LARP1B: variants seen among roughly 807,000 people sequenced by gnomAD.
LARP1B encodes La ribonucleoprotein 1B.
A neutral mutation model predicts 114.2 loss-of-function variants in LARP1B; 76 were observed. The ratio of observed to expected loss-of-function variants is 0.67; its 90% CI spans 0.55 to 0.81. The LOEUF is 0.81. Among genes scored for constraint, LARP1B ranks in the 30% least tolerant of loss-of-function variants. The pLI is 0.00. For missense variants in LARP1B, 1,014 were observed against 1,075.8 expected, an observed-to-expected ratio of 0.94 and a Z score of 0.80; for synonymous variants, 345 against 348.0, an observed-to-expected ratio of 0.99 and a Z score of 0.10.
chr4:128,207,606 A>C (rs527907934), intron 19 of LARP1B, among the ~76,000 whole-genome samples: 1 of 152,262 alleles, frequency 6.6e-6, no homozygotes, highest in Non-Finnish European at 1.5e-5. Flanking sequence ...TGCAATTGTT[A>C]ATTCAATTTA....
intron 9 of LARP1B, among the ~76,000 whole-genome samples, chr4:128,109,904 A>AT (rs529612263): frequency 7.9e-4 from 119 of 151,170 alleles, no homozygotes; most frequent in Non-Finnish European, 1.4e-3. Context: ...TTCAGTTGAT[A>AT]TTTTTTTTGT....
In LARP1B at chr4:128,103,403, T is replaced by A. The variant is rs143221880; in HGVS notation, c.814-3736T>A. Reference sequence around the variant, plus strand: ...GGAAAAAAAAGGTATATGGTAAAAATTTTTTTTTCCCCATTTTTCCACCAA... The same window carrying A: ...GGAAAAAAAAGGTATATGGTAAAAAATTTTTTTTCCCCATTTTTCCACCAA... On this transcript the variant is annotated intron_variant, in intron 8 of 19. Coordinates refer to ENST00000326639, the MANE Select transcript of LARP1B (RefSeq NM_018078.4). Among the ~76,000 whole-genome samples, 1,458 of 151,672 alleles carry A rather than the reference T, an allele frequency of 9.6e-3. 24 individuals are homozygous for A. Among genetic ancestry groups the A allele is most frequent in the African/African-American group, 0.033 (1,370 of 41,288 alleles).
chr4:128,103,004 G>A (rs1780815785), intron 8 of LARP1B, among the ~76,000 whole-genome samples: 1 of 152,104 alleles, frequency 6.6e-6, no homozygotes, highest in South Asian at 2.1e-4. Flanking sequence ...CAGTAAGAAT[G>A]CAACATCTAT....
At chr4:128,114,456 T>C in intron 9 of LARP1B, 114 bp from the exon 10 acceptor site, 1 of 754,514 alleles carries the variant, frequency 1.3e-6, no homozygotes, top group South Asian at 1.9e-5. Context: ...CAGTTGAGAC[T>C]GATCATGTTT....
rs2204117 is a variant in LARP1B at position 128,211,255 on chromosome 4, T to C, written c.*1202T>C. On this transcript the variant is annotated 3_prime_UTR_variant, in exon 20 of 20. Transcript: ENST00000326639. ...TGAAGTTTCAATTATAAACTTACAT[T>C]CACTTTATTGAGCACTACATAATTT... 0.72 allele frequency: 686,042 copies of C among 947,802 alleles called. 249,574 individuals are homozygous for C. The highest frequency in any genetic ancestry group is 0.84 in the Middle Eastern group (1,529 of 1,810). The allele number at this position is 947,802 out of a possible 1,614,324, so 58.7% of individuals were successfully genotyped here.
downstream of LARP1B, among the ~76,000 whole-genome samples, chr4:128,216,549 G>C (rs1345894796): frequency 6.7e-6 from 1 of 149,394 alleles, no homozygotes; most frequent in Non-Finnish European, 1.5e-5. Context: ...TGACTACTGG[G>C]TACATAACGA....
chr4:128,190,794 T>C (rs983958214), intron 15 of LARP1B, among the ~76,000 whole-genome samples: 1 of 152,182 alleles, frequency 6.6e-6, no homozygotes, highest in African/African-American at 2.4e-5. Context: ...AGAGTGAAAA[T>C]GGACTAATAA....
At chr4:128,198,935 G>A (rs548788854) in intron 15 of LARP1B, among the ~76,000 whole-genome samples, 2 of 152,284 alleles carry the variant, frequency 1.3e-5, no homozygotes, top group South Asian at 4.2e-4. Flanking sequence ...ATCAAAAGTG[G>A]AATTGATTTA....
chr4:128,073,933 T>TA (rs1766744200), intron 1 of LARP1B, among the ~76,000 whole-genome samples: 1 of 151,164 alleles, frequency 6.6e-6, no homozygotes, highest in Non-Finnish European at 1.5e-5. Flanking sequence ...TTCAGTGTAA[T>TA]ACGCTGTGTT....
At chr4:128,219,935 G>C (rs1401616315) in intron 6 of LARP1B, among the ~76,000 whole-genome samples, 1 of 151,858 alleles carries the variant, frequency 6.6e-6, no homozygotes, top group Non-Finnish European at 1.5e-5. Context: ...GCCCAGGCTG[G>C]AGTGCAATGG....
intron 8 of LARP1B, among the ~76,000 whole-genome samples, chr4:128,099,764 G>C (rs1337731279): frequency 6.6e-6 from 1 of 151,732 alleles, no homozygotes; most frequent in African/African-American, 2.4e-5. Context: ...TAAATATCTA[G>C]TATTGTGATT....
At chr4:128,066,203 GTCTCGC>G (rs755550294) in intron 1 of LARP1B, among the ~76,000 whole-genome samples, 1 of 129,246 alleles carries the variant, frequency 7.7e-6, no homozygotes, top group Non-Finnish European at 1.6e-5. Context: ...TTGAGACAGA[GTCTCGC>G]TCTGTCGCCC....
chr4:128,105,029 C>T (rs1047780291), intron 8 of LARP1B, among the ~76,000 whole-genome samples: 1 of 151,492 alleles, frequency 6.6e-6, no homozygotes, highest in Non-Finnish European at 1.5e-5. Context: ...CACAACTTTA[C>T]TTTGGAAAAT....
chr4:128,176,121 C>T (rs1745789047), intron 12 of LARP1B, among the ~76,000 whole-genome samples: 1 of 140,726 alleles, frequency 7.1e-6, no homozygotes, highest in Non-Finnish European at 1.5e-5. Flanking sequence ...CATATATATA[C>T]ACATATATGT....
intron 11 of LARP1B, chr4:128,155,623 C>T: frequency 7.8e-7 from 1 of 1,282,280 alleles, no homozygotes. Context: ...CCTACAACCC[C>T]AGCCAGGAGC....
chr4:128,069,688 A>G, intron 1 of LARP1B: 1 of 427,632 alleles, frequency 2.3e-6, no homozygotes, highest in Non-Finnish European at 4.2e-6. Context: ...TGGGTTTATT[A>G]ATCCCTTACT....
In LARP1B at chr4:128,091,071, T is replaced by C; in HGVS notation, c.429T>C (p.Asn143=). The C allele has an allele frequency of 6.2e-7, 1 of 1,613,736 alleles. No homozygotes were observed. The highest frequency in any genetic ancestry group is 1.1e-5 in the South Asian group (1 of 91,064). The change falls in exon 6 of 20, where the codon AAT becomes AAC. Residue 143 remains asparagine (N), a synonymous_variant. Transcript: ENST00000326639. The stretch of plus-strand genomic sequence containing the variant: ...CCAGTGTGAGAAGTGAGGGTGGTAA[T>C]ATCCGAGGTTCCTTTAGAGGTCGAG... ...DVSSVRSEGG[N]IRGSFRGRGR...
At chr4:128,070,799 TA>T (rs144956269) in intron 1 of LARP1B, among the ~76,000 whole-genome samples, 4,153 of 146,588 alleles carry the variant, frequency 0.028, 167 homozygotes, top group African/African-American at 0.096. Context: ...CTATCTCAAT[TA>T]AAAAAAAAAA....
chr4:128,161,578 T>G (rs10000960), intron 11 of LARP1B, among the ~76,000 whole-genome samples: 62,878 of 151,954 alleles, frequency 0.41, 14,276 homozygotes, highest in African/African-American at 0.6. Flanking sequence ...ATCAGTCCTC[T>G]TTGCCACTGG....
Sources: allele counts gnomAD v4.1 joint callset (sites outside exome capture counted in the v4.1 genomes callset), GRCh38; gene constraint gnomAD v4.1.1; transcripts MANE v1.5; gene names NCBI Gene and HGNC (gene_info 2026-07-23, HGNC 2026-07-21).